Variants in ADGRA3 observed in about 807,000 individuals in gnomAD.
The protein encoded by ADGRA3 is adhesion G protein-coupled receptor A3.
A neutral mutation model predicts 119.8 loss-of-function variants in ADGRA3; 56 were observed. The observed-to-expected ratio is 0.47, with a 90% confidence interval of 0.38 to 0.58. ADGRA3 has a LOEUF of 0.58. Among genes scored for constraint, ADGRA3 ranks in the 20% least tolerant of loss-of-function variants. The probability of loss-of-function intolerance (pLI) is 0.00; values close to 1 mark genes in which losing one functional copy is unlikely to be tolerated. For missense variants in ADGRA3, 1,516 were observed against 1,649.0 expected (o/e 0.92, Z 1.40); for synonymous variants, 607 against 623.8 (o/e 0.97, Z 0.40).
intron 16 of ADGRA3, chr4:22,394,952 A>AT (rs934698066): frequency 6.6e-5 from 10 of 152,194 alleles, no homozygotes; most frequent in African/African-American, 1.9e-4. Context: ...AGTAGGAAAG[A>AT]TTTTTTAATC....
At chr4:22,499,360 T>A (rs183340818) in intron 1 of ADGRA3, among the ~76,000 whole-genome samples, 1 of 152,306 alleles carries the variant, frequency 6.6e-6, no homozygotes, top group Admixed American at 6.5e-5. Flanking sequence ...GTCAGGAAAG[T>A]GAAGGCCAGA....
chr4:22,463,474 A>G (rs4697305), intron 2 of ADGRA3, among the ~76,000 whole-genome samples: 132,605 of 152,156 alleles, frequency 0.87, 59,640 homozygotes, highest in Non-Finnish European at 0.99. Context: ...TATTTAGAGG[A>G]AAATCCTCAG....
chr4:22,471,826 C>G (rs1717867004), intron 2 of ADGRA3, among the ~76,000 whole-genome samples: 1 of 152,018 alleles, frequency 6.6e-6, no homozygotes, highest in Non-Finnish European at 1.5e-5. Flanking sequence ...TAAACATACC[C>G]CTGGCTGAAA....
chr4:22,389,806 C>G (rs1354246661), intron 17 of ADGRA3, among the ~76,000 whole-genome samples: 1 of 152,112 alleles, frequency 6.6e-6, no homozygotes, highest in Non-Finnish European at 1.5e-5. Flanking sequence ...TGAAACAGAG[C>G]AGTGACTGGT....
chr4:22,435,229 G>T, intron 10 of ADGRA3, 82 bp downstream of exon 10: 1 of 1,120,792 alleles, frequency 8.9e-7, no homozygotes, highest in African/African-American at 1.5e-5. Context: ...AACATAAACA[G>T]GCCTTAAAAT....
intron 1 of ADGRA3, among the ~76,000 whole-genome samples, chr4:22,476,294 T>A (rs1230393346): frequency 6.6e-6 from 1 of 151,988 alleles, no homozygotes. Flanking sequence ...CCAAACAGTA[T>A]CCATCCTGAG....
intron 7 of ADGRA3, among the ~76,000 whole-genome samples, chr4:22,439,152 G>A (rs976001272): frequency 2.6e-5 from 4 of 152,058 alleles, no homozygotes; most frequent in South Asian, 2.1e-4. Context: ...AGATTATTAC[G>A]AATTTACATA....
At chr4:22,498,478 C>T (rs928208853) in intron 1 of ADGRA3, among the ~76,000 whole-genome samples, 4 of 150,034 alleles carry the variant, frequency 2.7e-5, no homozygotes, top group Non-Finnish European at 4.4e-5. Context: ...ATTAGCAGGG[C>T]ATGGTGGCGG....
chr4:22,421,118 G>A (rs763628363), intron 11 of ADGRA3, 29 bp from the exon 12 acceptor site: 21 of 1,581,216 alleles, frequency 1.3e-5, no homozygotes, highest in East Asian at 2.2e-5. Flanking sequence ...CAGGAGTTAT[G>A]AACGATTTAT....
chr4:22,489,396 T>A (rs1183970716), intron 1 of ADGRA3, among the ~76,000 whole-genome samples: 2 of 152,176 alleles, frequency 1.3e-5, no homozygotes, highest in Non-Finnish European at 2.9e-5. Context: ...TGGGTATAGA[T>A]CATGATGGTT....
chr4:22,415,416 G>A (rs570951347), intron 12 of ADGRA3, among the ~76,000 whole-genome samples: 101 of 152,192 alleles, frequency 6.6e-4, no homozygotes, highest in Middle Eastern at 3.4e-3. Context: ...ATTTTGAGAA[G>A]ACGCATAAAA....
At chr4:22,436,783 G>T in intron 8 of ADGRA3, 142 bp from the exon 9 acceptor site, 2 of 665,560 alleles carry the variant, frequency 3.0e-6, no homozygotes, top group Non-Finnish European at 5.1e-6. Flanking sequence ...TGGGCTGGGA[G>T]AAACCTTTGT....
chr4:22,405,558 A>C (rs1714881952), intron 14 of ADGRA3, among the ~76,000 whole-genome samples: 1 of 151,560 alleles, frequency 6.6e-6, no homozygotes, highest in African/African-American at 2.4e-5. Flanking sequence ...AAAAAAAAAA[A>C]AAAAATTAAA....
chr4:22,392,541 A>G lies in ADGRA3; in HGVS notation c.2627+4T>C. ...ACAATTAATACAACAAAGATATGAG[A>G]TACCTGAGCATTGGTCTTGGTGGAG... On this transcript the variant is annotated splice_donor_region_variant and intron_variant, in intron 17 of 18. Coordinates refer to ENST00000334304, the MANE Select transcript of ADGRA3 (RefSeq NM_145290.4). 1 of 1,613,126 alleles carries G rather than the reference A, an allele frequency of 6.2e-7. No individual in the cohort carries two copies. The highest frequency in any genetic ancestry group is 8.5e-7 in the Non-Finnish European group (1 of 1,179,592).
intron 8 of ADGRA3, 36 bp from the exon 9 acceptor site, chr4:22,436,677 A>C: frequency 6.5e-7 from 1 of 1,544,250 alleles, no homozygotes. Flanking sequence ...AGAAAATCTA[A>C]ATGACACGGG....
At position 22,388,084 on chromosome 4, in the gene ADGRA3, G is replaced by T. The variant is rs61729361; in HGVS notation, c.3587C>A (p.Thr1196Lys). The T allele has an allele frequency of 2.0e-5, 33 of 1,614,128 alleles. No individual in the cohort carries two copies. Among genetic ancestry groups the T allele is most frequent in the Non-Finnish European group, 2.8e-5 (33 of 1,180,002 alleles). The change falls in exon 19 of 19, where the codon ACG (threonine) becomes AAG (lysine). Residue 1196 changes from threonine to lysine, a missense_variant. Around this residue, in one of 2 missense-constraint regions of ADGRA3, gnomAD observed 1,088 missense variants for 1,107.1 expected, o/e 0.98. Coordinates refer to ENST00000334304, the MANE Select transcript of ADGRA3 (RefSeq NM_145290.4). ...VLREYAYDVPTSVEGSVQNGL... is the reference protein window; with the variant it reads ...VLREYAYDVPKSVEGSVQNGL... ...GTTCTGCACGCTTCCTTCCACGCTC[G>T]TTGGGACATCGTAGGCATATTCTCT... is the stretch of plus-strand genomic sequence containing the variant.
intron 2 of ADGRA3, among the ~76,000 whole-genome samples, chr4:22,469,197 C>T (rs1159766442): frequency 6.6e-6 from 1 of 152,128 alleles, no homozygotes; most frequent in Non-Finnish European, 1.5e-5. Context: ...TACTGAAAAC[C>T]GAGGACACCC....
At chr4:22,445,761 T>A (rs1273287894) in intron 5 of ADGRA3, among the ~76,000 whole-genome samples, 1 of 152,102 alleles carries the variant, frequency 6.6e-6, no homozygotes, top group East Asian at 1.9e-4. Context: ...ATCAAAAGCA[T>A]ACAAATAAGA....
At chr4:22,492,528 A>G (rs1466632705) in intron 1 of ADGRA3, among the ~76,000 whole-genome samples, 1 of 152,228 alleles carries the variant, frequency 6.6e-6, no homozygotes, top group Non-Finnish European at 1.5e-5. Flanking sequence ...CTGCCCTTAT[A>G]GAGTTTATGT....
Sources: allele counts gnomAD v4.1 joint callset (sites outside exome capture counted in the v4.1 genomes callset), GRCh38; gene constraint gnomAD v4.1.1; regional missense constraint gnomAD v4.1.1; transcripts MANE v1.5; gene names NCBI Gene and HGNC (gene_info 2026-07-23, HGNC 2026-07-21).